The following CCDC28A variants were observed in gnomAD, a reference collection of about 807,000 sequenced individuals.
The protein encoded by CCDC28A is coiled-coil domain containing 28A.
Under a neutral mutation model 22.1 loss-of-function variants are expected in CCDC28A, and 24 were observed. The ratio of observed to expected loss-of-function variants is 1.09; its 90% CI spans 0.79 to 1.53. The LOEUF is 1.53. Ranked by LOEUF, CCDC28A falls within the 40% of genes most tolerant of loss-of-function variation. CCDC28A has a pLI of 0.00. For synonymous variants in CCDC28A, 83 were observed against 74.7 expected (o/e 1.11, Z -0.57); for missense variants, 170 against 210.7 (o/e 0.81, Z 1.20).
chr6:138,779,858 G>A lies in CCDC28A; in HGVS notation c.195G>A (p.Glu65=), dbSNP rs371534282. ...AAAAGACCAAACCTCAGGGTGGAGAGGGCAAAGGCGCTCAGTCAACTCCGA... is the reference window on the plus strand; with the variant it reads ...AAAAGACCAAACCTCAGGGTGGAGAAGGCAAAGGCGCTCAGTCAACTCCGA... ...MKEKTKPQGG[E]GKGAQSTPIQ... The change falls in exon 3 of 6, where the codon GAG becomes GAA. Residue 65 remains glutamate, a synonymous_variant. Coordinates refer to ENST00000617445, the MANE Select transcript of CCDC28A (RefSeq NM_015439.3). 15 of 1,613,796 alleles carry A rather than the reference G, an allele frequency of 9.3e-6. No individual in the cohort carries two copies. The African/African-American group carries it at 2.0e-4, about 22-fold the overall frequency.
intron 3 of CCDC28A, among the ~76,000 whole-genome samples, chr6:138,783,239 A>G (rs552121227): frequency 2.4e-4 from 37 of 151,854 alleles, no homozygotes; most frequent in African/African-American, 8.7e-4. Flanking sequence ...TGGTTGAAAA[A>G]ATGATTCACA....
chr6:138,788,600 G>A (rs2128363198), intron 5 of CCDC28A, among the ~76,000 whole-genome samples: 1 of 117,564 alleles, frequency 8.5e-6, no homozygotes, highest in Non-Finnish European at 1.7e-5. Context: ...TTCAGAGACA[G>A]GGTCTTGCTC....
chr6:138,776,634 GTGTT>G (rs1774937987), intron 2 of CCDC28A, among the ~76,000 whole-genome samples: 3 of 151,996 alleles, frequency 2.0e-5, no homozygotes, highest in African/African-American at 7.2e-5. Flanking sequence ...TCTAAGCTGA[GTGTT>G]TGTGCCTTGG....
intron 5 of CCDC28A, among the ~76,000 whole-genome samples, chr6:138,791,712 AG>A (rs1010445958): frequency 1.3e-5 from 2 of 152,184 alleles, no homozygotes; most frequent in Admixed American, 6.5e-5. Context: ...GTTACATTCA[AG>A]CTGACCACTT....
chr6:138,788,743 C>A (rs148500608), intron 5 of CCDC28A, among the ~76,000 whole-genome samples: 1 of 151,580 alleles, frequency 6.6e-6, no homozygotes, highest in Admixed American at 6.6e-5. Flanking sequence ...TTCCCTGCCC[C>A]CTTTGGGTTC....
rs779059884 is a variant in CCDC28A, at chr6:138,785,394, C to T, written c.477+13C>T. 277 of 1,581,928 alleles carry T rather than the reference C, an allele frequency of 1.8e-4. 2 individuals are homozygous for T. Among genetic ancestry groups the T allele is most frequent in the Non-Finnish European group, 7.1e-5 (83 of 1,166,674 alleles). ...GCTTCTGTCAGATGTAAGTGTAATT[C>T]TTTTTCTTTGTTCTTTAAAAAAAAA... On this transcript the variant is annotated intron_variant, in intron 4 of 5. Transcript: ENST00000617445.
chr6:138,791,248 T>A (rs957573480), intron 5 of CCDC28A, among the ~76,000 whole-genome samples: 7 of 107,926 alleles, frequency 6.5e-5, no homozygotes, highest in Non-Finnish European at 1.2e-4. Context: ...GCCCAGCTAT[T>A]TTTTTTTTTG....
At chr6:138,791,388 G>A (rs1033489483) in intron 5 of CCDC28A, among the ~76,000 whole-genome samples, 2 of 152,070 alleles carry the variant, frequency 1.3e-5, no homozygotes, top group African/African-American at 4.8e-5. Context: ...AGCCTGCGTT[G>A]TATTTCTATT....
At chr6:138,776,046 C>G (rs1161874642) in intron 1 of CCDC28A, 33 bp from the exon 2 acceptor site, 41 of 1,517,640 alleles carry the variant, frequency 2.7e-5, no homozygotes, top group Non-Finnish European at 3.8e-5. Context: ...CATATTATAG[C>G]ATACATATAT....
At chr6:138,783,234 GA>G (rs1316608647) in intron 3 of CCDC28A, among the ~76,000 whole-genome samples, 2 of 147,520 alleles carry the variant, frequency 1.4e-5, no homozygotes, top group Non-Finnish European at 3.0e-5. Flanking sequence ...ATAATTGGTT[GA>G]AAAAATGATT....
At chr6:138,780,602 T>G (rs58226757) in intron 3 of CCDC28A, among the ~76,000 whole-genome samples, 5 of 144,620 alleles carry the variant, frequency 3.5e-5, no homozygotes, top group Non-Finnish European at 7.5e-5. Context: ...TGAGACAGAG[T>G]CTGGCTCTGT....
intron 3 of CCDC28A, among the ~76,000 whole-genome samples, chr6:138,783,913 G>C (rs926037891): frequency 7.5e-6 from 1 of 133,824 alleles, no homozygotes; most frequent in Non-Finnish European, 1.5e-5. Context: ...GTCTCGCTCT[G>C]TTACTCAGGG....
intron 3 of CCDC28A, among the ~76,000 whole-genome samples, chr6:138,780,602 T>C (rs58226757): frequency 0.015 from 2,235 of 144,612 alleles, 60 homozygotes; most frequent in African/African-American, 0.055. Flanking sequence ...TGAGACAGAG[T>C]CTGGCTCTGT....
chr6:138,776,209 C>T lies in CCDC28A; in HGVS notation c.89C>T (p.Pro30Leu), dbSNP rs1429832966. ...GTCAATGCCAAAAAAAATGCCATTCCAGTGAGTAAAAGCACAGGGTTTTCA... is the reference window on the plus strand; with the variant it reads ...GTCAATGCCAAAAAAAATGCCATTCTAGTGAGTAAAAGCACAGGGTTTTCA... ...QVVNAKKNAI[P>L]VSKSTGFSNP... is the part of the protein sequence containing the mutation. The change falls in exon 2 of 6, where the codon CCA becomes CTA. Residue 30 changes from proline (P) to leucine (L), a missense_variant. Coordinates refer to ENST00000617445, the MANE Select transcript of CCDC28A (RefSeq NM_015439.3). 1 of 1,614,116 alleles carries T rather than the reference C, an allele frequency of 6.2e-7. No individual in the cohort carries two copies. Among genetic ancestry groups the T allele is most frequent in the Admixed American group, 1.7e-5 (1 of 60,016 alleles).
Position 138,785,831 on chromosome 6 carries a change from A to G in CCDC28A, c.477+450A>G, listed in dbSNP as rs116226791. ...AAGCAAAATATTTGCTTCTGTACAGATATAATAAAATCTTAAGATATAGAA... is the reference window on the plus strand; with the variant it reads ...AAGCAAAATATTTGCTTCTGTACAGGTATAATAAAATCTTAAGATATAGAA... On this transcript the variant is annotated intron_variant, in intron 4 of 5. Transcript: ENST00000617445. 7.3e-3 allele frequency among the ~76,000 whole-genome samples: 1,111 copies of G among 152,284 alleles called. 11 individuals are homozygous for G. The highest frequency in any genetic ancestry group is 0.026 in the African/African-American group (1,073 of 41,544).
intron 2 of CCDC28A, among the ~76,000 whole-genome samples, chr6:138,777,765 G>T (rs1307428951): frequency 6.6e-6 from 1 of 152,162 alleles, no homozygotes; most frequent in Non-Finnish European, 1.5e-5. Context: ...TTCTGAGAGG[G>T]TTATTAAATG....
At chr6:138,786,701 A>G (rs1454219640) in intron 4 of CCDC28A, among the ~76,000 whole-genome samples, 1 of 152,170 alleles carries the variant, frequency 6.6e-6, no homozygotes, top group Admixed American at 6.5e-5. Flanking sequence ...TGCAGCCTCA[A>G]CTTCCTGAAC....
At chr6:138,788,513 C>T in intron 5 of CCDC28A, 125 bp downstream of exon 5, 1 of 436,444 alleles carries the variant, frequency 2.3e-6, no homozygotes, top group Non-Finnish European at 4.3e-6. Flanking sequence ...TAGTATTATT[C>T]ACTAGGGCCG....
rs749042682 is a variant in CCDC28A, at chr6:138,788,365, G to T, written c.478-1G>T. The T allele has an allele frequency of 8.3e-7, 1 of 1,202,020 alleles. No homozygotes were observed. The highest frequency in any genetic ancestry group is 1.2e-6 in the Non-Finnish European group (1 of 864,528). The allele number at this position is 1,202,020 out of a possible 1,614,324, so 74.5% of individuals were successfully genotyped here. A position where few individuals can be genotyped will look rare whatever the true frequency, so the allele number is the denominator to read the frequency against. On this transcript the variant is annotated splice_acceptor_variant, in intron 4 of 5. Transcript: ENST00000617445. LOFTEE classifies it high-confidence loss of function. Reference sequence around the variant, plus strand: ...AATAAATTTGTTTCTTTGTTTTACAGTTAGAAGAATTGAATTCTTCCATGT... The same window carrying T: ...AATAAATTTGTTTCTTTGTTTTACATTTAGAAGAATTGAATTCTTCCATGT...
Sources: allele counts gnomAD v4.1 joint callset (sites outside exome capture counted in the v4.1 genomes callset), GRCh38; gene constraint gnomAD v4.1.1; transcripts MANE v1.5; gene names NCBI Gene and HGNC (gene_info 2026-07-23, HGNC 2026-07-21).